Variants in SLC26A6 observed in about 807,000 individuals in gnomAD.
SLC26A6 encodes the protein anion exchange transporter.
A neutral mutation model predicts 87.1 loss-of-function variants in SLC26A6; 67 were observed. The observed-to-expected ratio is 0.77, with a 90% CI of 0.63 to 0.94. The LOEUF (loss-of-function observed/expected upper bound fraction) is 0.94, where lower values mean the gene tolerates loss of function less well. Ranked by LOEUF, SLC26A6 falls within the 40% of genes least tolerant of loss-of-function variation. The probability of loss-of-function intolerance (pLI) is 0.00; values close to 1 mark genes in which losing one functional copy is unlikely to be tolerated. For missense variants in SLC26A6, 902 were observed against 973.0 expected (o/e 0.93, Z 0.97); for synonymous variants, 414 against 405.9 (o/e 1.02, Z -0.24).
chr3:48,627,928 TC>T lies in SLC26A6; in HGVS notation c.1893+17del. 2 of 1,579,768 alleles carry T rather than the reference TC, an allele frequency of 1.3e-6. No individual in the cohort carries two copies. The highest frequency in any genetic ancestry group is 1.7e-6 in the Non-Finnish European group (2 of 1,167,902). Reference sequence around the variant, plus strand: ...TGCAGCTCACAGCTGTCACCTCCTTTCCCACCTCCAGTCTCACCATCATCTT... The same window carrying T: ...TGCAGCTCACAGCTGTCACCTCCTTTCCACCTCCAGTCTCACCATCATCTT... On this transcript the variant is annotated intron_variant, in intron 17 of 20. Transcript: ENST00000395550.
chr3:48,629,757 G>T, intron 13 of SLC26A6, 46 bp from the exon 14 acceptor site: 1 of 1,610,424 alleles, frequency 6.2e-7, no homozygotes, highest in Non-Finnish European at 8.5e-7. Flanking sequence ...AGAAAAAGGG[G>T]ATAACAGAGG....
Position 48,633,311 on chromosome 3 carries a change from C to A in SLC26A6, c.262G>T (p.Asp88Tyr). ...GATAACAGGTCACCCAGGAGCCAGTCACGCACAGGATACCGGGGTAACCAG... is the reference window on the plus strand; with the variant it reads ...GATAACAGGTCACCCAGGAGCCAGTAACGCACAGGATACCGGGGTAACCAG... ...LVWLPRYPVR[D>Y]WLLGDLLSGL... is the part of the protein sequence containing the mutation. The change falls in exon 3 of 21, where the codon GAC (aspartate) becomes TAC (tyrosine). Residue 88 changes from aspartate to tyrosine, a missense_variant. Physicochemically the swap from Asp to Tyr is radical, Grantham distance 160. This residue lies in a region of SLC26A6 where 800 missense variants were observed against 856.8 expected (regional missense o/e 0.93). Transcript: ENST00000395550. The A allele has an allele frequency of 6.2e-7, 1 of 1,613,614 alleles. No homozygotes were observed. The highest frequency in any genetic ancestry group is 8.5e-7 in the Non-Finnish European group (1 of 1,180,014).
In SLC26A6 at chr3:48,628,094, A is replaced by G. The variant is rs370274399; in HGVS notation, c.1801-56T>C. 4.5e-3 allele frequency: 6,623 copies of G among 1,466,518 alleles called. 19 individuals carry two copies. The highest frequency in any genetic ancestry group is 7.0e-3 in the Middle Eastern group (33 of 4,694). 90.8% of individuals were successfully genotyped at this position (1,466,518 alleles called of 1,614,324 possible). On this transcript the variant is annotated intron_variant, in intron 16 of 20. Coordinates refer to ENST00000395550, the MANE Select transcript of SLC26A6 (RefSeq NM_022911.3). The surrounding 1 kb of genome is among the most constrained non-coding windows in gnomAD (Gnocchi z 4.4). ...AGCTAGCCCGGCTGCCATGACAGCC[A>G]TGTCACATAGGCCTGGTGATGCCCC...
intron 9 of SLC26A6, 98 bp from the exon 10 acceptor site, chr3:48,630,818 C>A (rs1207134125): frequency 2.0e-6 from 3 of 1,497,274 alleles, no homozygotes; most frequent in Admixed American, 1.8e-5. Flanking sequence ...TCCATCCCCA[C>A]CAAGTGGCCC....
At position 48,635,417 on chromosome 3, in the gene SLC26A6, G is replaced by A. The variant is rs745497992; in HGVS notation, c.-24C>T. 2.5e-6 allele frequency: 4 copies of A among 1,570,582 alleles called. No individual in the cohort carries two copies. The highest frequency in any genetic ancestry group is 2.4e-5 in the East Asian group (1 of 42,274). ...ATGGCTCGCAAGTTGTCCGGTGCGGGCTGCTCCTGCTGCTCGAGCTAGAGG... is the reference window on the plus strand; with the variant it reads ...ATGGCTCGCAAGTTGTCCGGTGCGGACTGCTCCTGCTGCTCGAGCTAGAGG... On this transcript the variant is annotated 5_prime_UTR_variant, in exon 1 of 21. Transcript: ENST00000395550.
In SLC26A6 at chr3:48,628,392, AG is replaced by A; in HGVS notation, c.1800+41del. ...CAGGAGAAAGGCTGGGGCAGGGAAC[AG>A]GGGGCAGGAGATGGGGGTCACCAGA... is the stretch of plus-strand genomic sequence containing the variant. On this transcript the variant is annotated intron_variant, in intron 16 of 20. Transcript: ENST00000395550. The surrounding 1 kb of genome is among the most constrained non-coding windows in gnomAD (Gnocchi z 4.4). 11 of 1,582,000 alleles carry A rather than the reference AG, an allele frequency of 7.0e-6. No individual in the cohort carries two copies. Among genetic ancestry groups the A allele is most frequent in the South Asian group, 2.2e-5 (2 of 90,030 alleles).
At position 48,631,679 on chromosome 3, in the gene SLC26A6, C is replaced by A. The variant is rs190231123; in HGVS notation, c.873G>T (p.Leu291=). The A allele has an allele frequency of 5.0e-5, 80 of 1,613,280 alleles. No individual in the cohort carries two copies. In the East Asian group the frequency reaches 1.8e-3, roughly 35 times the overall value. The change falls in exon 7 of 21, where the codon CTG becomes CTT. Residue 291 remains leucine (L), a synonymous_variant. Transcript: ENST00000395550. ...GCAGCTCCCCGGGTATCGGCATGGG[C>A]AGCTGCTGCTGCAGCTTGTCATTCA... ...KLLNDKLQQQ[L]PMPIPGELLT... is the part of the protein sequence containing the mutation.
Position 48,631,791 on chromosome 3 carries a change from T to C in SLC26A6, c.761A>G (p.Glu254Gly). 1 of 1,613,374 alleles carries C rather than the reference T, an allele frequency of 6.2e-7. No homozygotes were observed. Among genetic ancestry groups the C allele is most frequent in the East Asian group, 2.2e-5 (1 of 44,868 alleles). ...GCTCTGGGGCAGCTTCCAGCAGACC[T>C]CCAGCACTGTCTGAGGAGAGGCCAG... ...GPLSLIYTVL[E>G]VCWKLPQSKV... is the part of the protein sequence containing the mutation. The change falls in exon 7 of 21, where the codon GAG becomes GGG. Residue 254 changes from glutamate (E) to glycine (G), a missense_variant. Around this residue, in one of 3 missense-constraint regions of SLC26A6, gnomAD observed 800 missense variants for 856.8 expected, o/e 0.93. Coordinates refer to ENST00000395550, the MANE Select transcript of SLC26A6 (RefSeq NM_022911.3).
At chr3:48,626,572 T>C (rs1479826802) in intron 19 of SLC26A6, 59 bp downstream of exon 19, 1 of 1,610,898 alleles carries the variant, frequency 6.2e-7, no homozygotes, top group Non-Finnish European at 8.5e-7. Context: ...GGAAAACCCC[T>C]TGGCCAAAAG....
In SLC26A6 at chr3:48,628,048, G is replaced by A. The variant is rs756655562; in HGVS notation, c.1801-10C>T. 6.8e-5 allele frequency: 106 copies of A among 1,556,910 alleles called. No individual in the cohort carries two copies. Among genetic ancestry groups the A allele is most frequent in the Non-Finnish European group, 8.4e-5 (97 of 1,157,304 alleles). On this transcript the variant is annotated splice_polypyrimidine_tract_variant and intron_variant, in intron 16 of 20. Transcript: ENST00000395550. The surrounding 1 kb of genome is among the most constrained non-coding windows in gnomAD (Gnocchi z 4.4). ...CCTTGGGGGAGGCAGCCTACACCAG[G>A]GAAGACAGGGAATGGGAAACAGCTA...
chr3:48,634,947 T>TAGGAAGGCAACTGGGGCC (rs1424268879), intron 1 of SLC26A6, among the ~76,000 whole-genome samples: 5 of 152,220 alleles, frequency 3.3e-5, no homozygotes, highest in African/African-American at 1.2e-4. Flanking sequence ...CCCCTCCCTG[T>TAGGAAGGCAACTGGGGCC]AGGAAGGCAA....
Position 48,628,078 on chromosome 3 carries a change from G to A in SLC26A6, c.1801-40C>T, listed in dbSNP as rs781668356. 2.3e-5 allele frequency: 35 copies of A among 1,518,292 alleles called. No homozygotes were observed. The highest frequency in any genetic ancestry group is 6.5e-5 in the South Asian group (5 of 77,200). The allele number at this position is 1,518,292 out of a possible 1,614,324, so 94.1% of individuals were successfully genotyped here. A position where few individuals can be genotyped will look rare whatever the true frequency, so the allele number is the denominator to read the frequency against. On this transcript the variant is annotated intron_variant, in intron 16 of 20. Transcript: ENST00000395550. The surrounding 1 kb of genome is among the most constrained non-coding windows in gnomAD (Gnocchi z 4.4). Reference sequence around the variant, plus strand: ...ACAGGGAATGGGAAACAGCTAGCCCGGCTGCCATGACAGCCATGTCACATA... The same window carrying A: ...ACAGGGAATGGGAAACAGCTAGCCCAGCTGCCATGACAGCCATGTCACATA...
chr3:48,635,114 C>T (rs923889725), intron 1 of SLC26A6, among the ~76,000 whole-genome samples: 3 of 152,246 alleles, frequency 2.0e-5, no homozygotes, highest in Non-Finnish European at 2.9e-5. Context: ...CCTCCGCACG[C>T]AGCTGCCTCC....
chr3:48,630,033 T>C (rs1465444990), intron 12 of SLC26A6, 29 bp downstream of exon 12: 1 of 1,613,344 alleles, frequency 6.2e-7, no homozygotes. Flanking sequence ...GGCTGCCCAG[T>C]CCCTGCCCTG....
rs1302829619 is a variant in SLC26A6 at position 48,631,973 on chromosome 3, G to A, written c.657C>T (p.Thr219=). The A allele has an allele frequency of 1.2e-6, 2 of 1,613,404 alleles. No homozygotes were observed. Among genetic ancestry groups the A allele is most frequent in the Non-Finnish European group, 1.7e-6 (2 of 1,180,024 alleles). Residue 219 remains threonine (T), a synonymous_variant, in exon 6 of 21, where the codon ACC becomes ACT. Transcript: ENST00000395550. The stretch of plus-strand genomic sequence containing the variant: ...CGAAGACCTGCACAGCTGCAGCTGT[G>A]GTATAGCCTCGGACAAGAGGTTCTG... The part of the protein sequence containing the change: ...YLSEPLVRGY[T]TAAAVQVFVS...
At chr3:48,631,847 C>A (rs1364276457) in intron 6 of SLC26A6, 33 bp downstream of exon 6, 2 of 1,613,218 alleles carry the variant, frequency 1.2e-6, no homozygotes, top group Non-Finnish European at 1.7e-6. Context: ...CCATGGGGCA[C>A]ACCTACCCCT....
intron 7 of SLC26A6, 112 bp downstream of exon 7, chr3:48,631,537 A>G (rs995890971): frequency 2.1e-6 from 3 of 1,401,908 alleles, no homozygotes; most frequent in Non-Finnish European, 2.9e-6. Flanking sequence ...AATACCCAAG[A>G]ACCCTCCCAG....
chr3:48,626,409 C>T (rs1356755589), intron 19 of SLC26A6, 55 bp from the exon 20 acceptor site: 2 of 1,611,236 alleles, frequency 1.2e-6, no homozygotes, highest in Non-Finnish European at 1.7e-6. Context: ...GAACTCAACT[C>T]CCGGGAGCCA....
chr3:48,627,842 C>G, intron 17 of SLC26A6, 104 bp downstream of exon 17: 1 of 1,115,078 alleles, frequency 9.0e-7, no homozygotes, highest in Non-Finnish European at 1.3e-6. Flanking sequence ...GCGCAACACC[C>G]TCGAGCCCAC....
Sources: allele counts gnomAD v4.1 joint callset (sites outside exome capture counted in the v4.1 genomes callset), GRCh38; gene constraint gnomAD v4.1.1; regional missense constraint gnomAD v4.1.1; non-coding constraint Gnocchi (gnomAD v3.1); transcripts MANE v1.5; gene names NCBI Gene and HGNC (gene_info 2026-07-23, HGNC 2026-07-21).